Variants in RGS6 observed in about 807,000 individuals in gnomAD.
RGS6 encodes the protein regulator of G-protein signaling 6.
RGS6 carries 30 observed loss-of-function variants against 78.5 expected under a neutral mutation model. That is an observed-to-expected ratio of 0.38 (90% CI 0.29 to 0.52). RGS6 has a LOEUF of 0.52. Ranked by LOEUF, RGS6 falls within the 20% of genes least tolerant of loss-of-function variation. The pLI, the probability that RGS6 is intolerant of heterozygous loss-of-function variation, is 0.85. For synonymous variants in RGS6, 206 were observed against 206.0 expected (o/e 1.00, Z 0.00); for missense variants, 495 against 609.7 (o/e 0.81, Z 1.98).
chr14:71,940,557 G>A (rs1473140789), intron 1 of RGS6, among the ~76,000 whole-genome samples: 2 of 152,198 alleles, frequency 1.3e-5, no homozygotes, highest in African/African-American at 4.8e-5. Context: ...AGCTCTACAT[G>A]AGTCAGACTA....
rs1298660243 is a variant in RGS6, at chr14:72,565,824, A to G, written c.*3357A>G. 1 of 152,260 alleles carries G rather than the reference A, an allele frequency of 6.6e-6. No individual in the cohort carries two copies. Among genetic ancestry groups the G allele is most frequent in the Non-Finnish European group, 1.5e-5 (1 of 68,086 alleles). The allele number at this position is 152,260 out of a possible 1,614,324, so 9.4% of individuals were successfully genotyped here. A position where few individuals can be genotyped will look rare whatever the true frequency, so the allele number is the denominator to read the frequency against. The stretch of plus-strand genomic sequence containing the variant: ...AAATGCATCCCTCCTGTTCTGCTCC[A>G]TATACATGTGCTTCAAAAACCACCA... On this transcript the variant is annotated 3_prime_UTR_variant, in exon 18 of 18. Transcript: ENST00000553525.
Position 72,544,172 on chromosome 14 carries a change from G to A in RGS6, c.1422+4078G>A, listed in dbSNP as rs116477413. ...GGAGGGAGAGGGGGCAAGAGGAATC[G>A]GGGCCAAGCCACAGCAGCAGCTCCC... On this transcript the variant is annotated intron_variant, in intron 17 of 17. Transcript: ENST00000553525. 9.0e-3 allele frequency among the ~76,000 whole-genome samples: 1,365 copies of A among 152,298 alleles called. 23 individuals are homozygous for A. The highest frequency in any genetic ancestry group is 0.03 in the African/African-American group (1,263 of 41,566).
At chr14:72,476,896 C>T in intron 11 of RGS6, 56 bp downstream of exon 11, 1 of 1,456,650 alleles carries the variant, frequency 6.9e-7, no homozygotes, top group East Asian at 2.3e-5. Flanking sequence ...TTTAAAAACC[C>T]TTTCAAATGT....
chr14:72,430,151 A>T (rs1035456481), intron 3 of RGS6, among the ~76,000 whole-genome samples: 2 of 152,250 alleles, frequency 1.3e-5, no homozygotes, highest in African/African-American at 4.8e-5. Context: ...AATGCAAAGT[A>T]CATATAGCTC....
intron 2 of RGS6, among the ~76,000 whole-genome samples, chr14:72,151,952 C>T (rs1461912894): frequency 6.6e-6 from 1 of 152,120 alleles, no homozygotes; most frequent in African/African-American, 2.4e-5. Context: ...ATGGAAGAAA[C>T]ATGAACTTGA....
intron 2 of RGS6, among the ~76,000 whole-genome samples, chr14:72,163,914 C>T (rs2096888831): frequency 6.7e-6 from 1 of 149,238 alleles, no homozygotes; most frequent in South Asian, 2.1e-4. Flanking sequence ...GTTGTGGAAG[C>T]TTTGAAATCC....
chr14:72,449,043 C>T lies in RGS6; in HGVS notation c.185-5485C>T, dbSNP rs2095432754. Among the ~76,000 whole-genome samples the T allele has an allele frequency of 2.6e-5, 4 of 152,198 alleles. No homozygotes were observed. The South Asian group carries it at 8.3e-4, about 32-fold the overall frequency. On this transcript the variant is annotated intron_variant, in intron 3 of 17. Transcript: ENST00000553525. ...CCGCCTTCATAAGCATTGGCCTGTG[C>T]ATGACATCTATGTGATAAGGTGGCC...
the RGS6 span, among the ~76,000 whole-genome samples, chr14:72,623,210 T>C: frequency 2.0e-5 from 3 of 152,212 alleles, no homozygotes; most frequent in Non-Finnish European, 4.4e-5. Flanking sequence ...AAGAGGTAAG[T>C]AGAGAGCTAC....
chr14:72,463,595 G>T (rs1409320916), intron 6 of RGS6, among the ~76,000 whole-genome samples: 1 of 152,218 alleles, frequency 6.6e-6, no homozygotes, highest in East Asian at 1.9e-4. Context: ...TTCTTGGGAT[G>T]ACTCTGCCTG....
chr14:72,090,654 A>G (rs7153677), intron 2 of RGS6, among the ~76,000 whole-genome samples: 132,471 of 152,254 alleles, frequency 0.87, 57,971 homozygotes, highest in Admixed American at 0.93. Flanking sequence ...AAAAGGTTGG[A>G]GACTGCTTCT....
chr14:72,397,123 A>C (rs895936863), intron 3 of RGS6, among the ~76,000 whole-genome samples: 1 of 152,186 alleles, frequency 6.6e-6, no homozygotes, highest in Non-Finnish European at 1.5e-5. Flanking sequence ...TTGAATCTAT[A>C]AATTACCTTG....
intron 12 of RGS6, among the ~76,000 whole-genome samples, chr14:72,485,781 T>C (rs2096477513): frequency 6.6e-6 from 1 of 152,216 alleles, no homozygotes; most frequent in Non-Finnish European, 1.5e-5. Context: ...CAGGAAAAGC[T>C]GGAGCCAGGG....
intron 2 of RGS6, among the ~76,000 whole-genome samples, chr14:72,184,139 G>A (rs1454849964): frequency 6.6e-6 from 1 of 151,986 alleles, no homozygotes; most frequent in Non-Finnish European, 1.5e-5. Context: ...ACCCTGTGAG[G>A]CTTTTTCCCA....
chr14:72,544,502 G>A (rs908358087), intron 17 of RGS6, among the ~76,000 whole-genome samples: 6 of 152,156 alleles, frequency 3.9e-5, no homozygotes, highest in East Asian at 1.9e-4. Context: ...TGGAGGCCAC[G>A]GAGGAGAAGG....
At chr14:72,513,135 C>G (rs1470289105) in intron 14 of RGS6, among the ~76,000 whole-genome samples, 1 of 152,242 alleles carries the variant, frequency 6.6e-6, no homozygotes, top group Admixed American at 6.5e-5. Context: ...TTCTCCACTT[C>G]CTCTGTCCTC....
intron 2 of RGS6, among the ~76,000 whole-genome samples, chr14:72,266,423 C>A (rs562906911): frequency 6.6e-6 from 1 of 152,138 alleles, no homozygotes; most frequent in African/African-American, 2.4e-5. Flanking sequence ...GTTATGCCGT[C>A]CTCCCAGTTT....
Position 71,977,661 on chromosome 14 carries a change from T to TTGTAGTAACCTTGTAGTATAGTTTG in RGS6, c.84+12786_84+12787insTGTAGTAACCTTGTAGTATAGTTTG, listed in dbSNP as rs1363254189. Reference sequence around the variant, plus strand: ...ACCAGTACCATGCTGTTTTGGTTACTGTAGCCTTGTAGTATAGTTTGAAGT... The same window carrying TTGTAGTAACCTTGTAGTATAGTTTG: ...ACCAGTACCATGCTGTTTTGGTTACTTGTAGTAACCTTGTAGTATAGTTTGGTAGCCTTGTAGTATAGTTTGAAGT... On this transcript the variant is annotated intron_variant, in intron 2 of 17. Transcript: ENST00000553525. 2.6e-3 allele frequency among the ~76,000 whole-genome samples: 397 copies of TTGTAGTAACCTTGTAGTATAGTTTG among 150,870 alleles called. 2 individuals carry two copies. The highest frequency in any genetic ancestry group is 9.4e-3 in the African/African-American group (389 of 41,346).
the RGS6 span, among the ~76,000 whole-genome samples, chr14:71,898,676 C>G: frequency 6.6e-6 from 1 of 152,062 alleles, no homozygotes; most frequent in Non-Finnish European, 1.5e-5. Context: ...TTCCTCCCAC[C>G]CCCCCGACAG....
At chr14:72,580,124 T>C in the RGS6 span, among the ~76,000 whole-genome samples, 1 of 152,172 alleles carries the variant, frequency 6.6e-6, no homozygotes, top group Non-Finnish European at 1.5e-5. Context: ...CTTAATTCAG[T>C]GCTGTAAGAG....
Sources: gnomAD v4.1 joint callset for allele counts (sites outside exome capture counted in the v4.1 genomes callset) on GRCh38, gnomAD v4.1.1 for gene constraint, MANE v1.5 for transcripts, NCBI Gene and HGNC (gene_info 2026-07-23, HGNC 2026-07-21) for gene names.